The following SERGEF variants were observed in gnomAD, a reference collection of about 807,000 sequenced individuals.
SERGEF encodes secretion-regulating guanine nucleotide exchange factor.
SERGEF carries 51 observed loss-of-function variants against 50.0 expected under a neutral mutation model. The ratio of observed to expected loss-of-function variants is 1.02; its 90% CI spans 0.81 to 1.29. The LOEUF is 1.29. Ranked by LOEUF, SERGEF falls within the 50% of genes most tolerant of loss-of-function variation. The pLI is 0.00. For missense variants in SERGEF, 521 were observed against 557.0 expected (o/e 0.94, Z 0.65); for synonymous variants, 205 against 212.4 (o/e 0.97, Z 0.30).
intron 8 of SERGEF, among the ~76,000 whole-genome samples, chr11:17,983,745 GA>G (rs10672775): frequency 7.1e-5 from 10 of 140,876 alleles, no homozygotes; most frequent in South Asian, 2.3e-4. Context: ...TATGAGAACA[GA>G]AAAAAAAAAA....
At chr11:17,987,198 G>A (rs1029284328) in intron 8 of SERGEF, among the ~76,000 whole-genome samples, 1 of 152,198 alleles carries the variant, frequency 6.6e-6, no homozygotes, top group Non-Finnish European at 1.5e-5. Flanking sequence ...TAAGTCCCAG[G>A]AAAGAGGTCA....
chr11:17,918,975 G>C (rs376277219), intron 9 of SERGEF, among the ~76,000 whole-genome samples: 3 of 152,198 alleles, frequency 2.0e-5, no homozygotes, highest in Non-Finnish European at 4.4e-5. Flanking sequence ...CAGTAGGGAA[G>C]ACTCTAAATG....
rs144020796 is a variant in SERGEF at position 17,884,979 on chromosome 11, G to C, written c.1012-6735C>G. On this transcript the variant is annotated intron_variant, in intron 9 of 10. Transcript: ENST00000265965. The surrounding 1 kb of genome is among the most constrained non-coding windows in gnomAD (Gnocchi z 4.6). ...CATAGCAGGCCAGCAAACCCGCTCA[G>C]AGCAGTTAAGTCACTGGTCCCAGGT... is the stretch of plus-strand genomic sequence containing the variant. Among the ~76,000 whole-genome samples, 60 of 152,244 alleles carry C rather than the reference G, an allele frequency of 3.9e-4. No individual in the cohort carries two copies. Among genetic ancestry groups the C allele is most frequent in the Middle Eastern group, 3.4e-3 (1 of 294 alleles).
chr11:17,977,491 C>T (rs1446978488), intron 8 of SERGEF, among the ~76,000 whole-genome samples: 1 of 152,186 alleles, frequency 6.6e-6, no homozygotes, highest in East Asian at 1.9e-4. Flanking sequence ...TAAATACCTG[C>T]CCTTTCCTGC....
intron 9 of SERGEF, among the ~76,000 whole-genome samples, chr11:17,940,394 C>T (rs1025167603): frequency 3.9e-5 from 6 of 152,096 alleles, no homozygotes; most frequent in Non-Finnish European, 5.9e-5. Context: ...GTTCCAGTGA[C>T]CGCATCCCCC....
Position 17,884,270 on chromosome 11 carries a change from T to TGG in SERGEF, c.1012-6028_1012-6027dup, listed in dbSNP as rs1851389712. 6.6e-6 allele frequency among the ~76,000 whole-genome samples: 1 copy of TGG among 152,190 alleles called. No individual in the cohort carries two copies. Among genetic ancestry groups the TGG allele is most frequent in the South Asian group, 2.1e-4 (1 of 4,834 alleles). ...AACGGGGTTTAGGTTGGTACGGTAC[T>TGG]GGGTTATGCTCTGTGCCGCACTGCG... is the stretch of plus-strand genomic sequence containing the variant. On this transcript the variant is annotated intron_variant, in intron 9 of 10. Transcript: ENST00000265965. This position sits in a 1 kb window ranked among gnomAD's most constrained non-coding sequence, Gnocchi z 4.6.
chr11:17,949,960 C>G lies in SERGEF; in HGVS notation c.1011+9510G>C, dbSNP rs531569336. Among the ~76,000 whole-genome samples, 6 of 152,278 alleles carry G rather than the reference C, an allele frequency of 3.9e-5. No homozygotes were observed. In the East Asian group the frequency reaches 1.2e-3, roughly 29 times the overall value. ...AGCCAAAGGCAAAGGGAAGCAGAAC[C>G]AGCATGCAAAGACCCAGAAGTATCA... On this transcript the variant is annotated intron_variant, in intron 9 of 10. Coordinates refer to ENST00000265965, the MANE Select transcript of SERGEF (RefSeq NM_012139.4).
intron 8 of SERGEF, among the ~76,000 whole-genome samples, chr11:17,983,460 G>A (rs1047504618): frequency 5.9e-5 from 9 of 152,192 alleles, no homozygotes; most frequent in Non-Finnish European, 1.0e-4. Flanking sequence ...AGTAGTGGGA[G>A]CTAATGTGTC....
At chr11:17,984,661 G>T (rs1853558726) in intron 8 of SERGEF, among the ~76,000 whole-genome samples, 3 of 152,160 alleles carry the variant, frequency 2.0e-5, no homozygotes, top group African/African-American at 7.2e-5. Flanking sequence ...GGTGACAGTG[G>T]GCTGAACTAG....
chr11:17,924,683 T>C (rs1029323682), intron 9 of SERGEF, among the ~76,000 whole-genome samples: 4 of 58,486 alleles, frequency 6.8e-5, no homozygotes, highest in Admixed American at 5.1e-4. Flanking sequence ...AAGAAAAGAA[T>C]GGAGATGGGG....
In SERGEF at chr11:17,862,467, A is replaced by C. The variant is rs543885440; in HGVS notation, c.1048+15741T>G. 1.3e-4 allele frequency among the ~76,000 whole-genome samples: 20 copies of C among 152,356 alleles called. 2 individuals are homozygous for C. In the South Asian group the frequency reaches 3.1e-3, roughly 24 times the overall value. The stretch of plus-strand genomic sequence containing the variant: ...TCTGTCCCAGTACTCTTCCTATTGC[A>C]TGGTACAGCTTCTTAATAAATGAAT... On this transcript the variant is annotated intron_variant, in intron 10 of 10. Coordinates refer to ENST00000265965, the MANE Select transcript of SERGEF (RefSeq NM_012139.4).
chr11:17,812,782 C>A (rs1849898575), intron 10 of SERGEF, among the ~76,000 whole-genome samples: 3 of 152,326 alleles, frequency 2.0e-5, no homozygotes, highest in Non-Finnish European at 4.4e-5. Context: ...GAGAGCCTGG[C>A]ATATGATAAA....
At chr11:17,842,707 A>G (rs192676988) in intron 10 of SERGEF, among the ~76,000 whole-genome samples, 3 of 152,230 alleles carry the variant, frequency 2.0e-5, no homozygotes, top group African/African-American at 7.2e-5. Flanking sequence ...ACTGAAGCAC[A>G]GTAGGCACTC....
chr11:17,828,226 G>A (rs1457897971), intron 10 of SERGEF, among the ~76,000 whole-genome samples: 2 of 152,248 alleles, frequency 1.3e-5, no homozygotes, highest in Non-Finnish European at 2.9e-5. Flanking sequence ...ACAGGTATGA[G>A]TGTGTGTTTG....
At chr11:17,892,020 T>G (rs1301606151) in intron 9 of SERGEF, among the ~76,000 whole-genome samples, 2 of 152,020 alleles carry the variant, frequency 1.3e-5, no homozygotes, top group Non-Finnish European at 2.9e-5. Context: ...ATGCCTAAAA[T>G]GGGGGTGAAA....
chr11:17,831,995 C>T (rs80345538), intron 10 of SERGEF, among the ~76,000 whole-genome samples: 17,250 of 152,280 alleles, frequency 0.11, 3,162 homozygotes, highest in African/African-American at 0.39. Context: ...GGTTTCATCA[C>T]AGAGTGTAAA....
In SERGEF at chr11:17,809,089, C is replaced by T. The variant is rs569967585; in HGVS notation, c.1049-20676G>A. On this transcript the variant is annotated intron_variant, in intron 10 of 10. Coordinates refer to ENST00000265965, the MANE Select transcript of SERGEF (RefSeq NM_012139.4). ...ATATAAAATGAACCATTCATGGCACCTGCTAGCAAGGAATAAATAATCTGA... is the reference window on the plus strand; with the variant it reads ...ATATAAAATGAACCATTCATGGCACTTGCTAGCAAGGAATAAATAATCTGA... 7.9e-5 allele frequency among the ~76,000 whole-genome samples: 12 copies of T among 152,232 alleles called. No individual in the cohort carries two copies. The East Asian group carries it at 2.3e-3, about 29-fold the overall frequency.
chr11:17,975,409 C>T (rs1853350240), intron 8 of SERGEF, among the ~76,000 whole-genome samples: 1 of 152,182 alleles, frequency 6.6e-6, no homozygotes, highest in Non-Finnish European at 1.5e-5. Flanking sequence ...AGCCCCAGAG[C>T]TGCTCATTTT....
rs7940992 is a variant in SERGEF, at chr11:18,001,799, G to A, written c.448-1242C>T. The A allele has an allele frequency of 3.8e-3, 897 of 234,222 alleles. 9 individuals carry two copies. Among genetic ancestry groups the A allele is most frequent in the African/African-American group, 0.019 (839 of 43,414 alleles). The allele number at this position is 234,222 out of a possible 1,614,324, so 14.5% of individuals were successfully genotyped here. A position where few individuals can be genotyped will look rare whatever the true frequency, so the allele number is the denominator to read the frequency against. On this transcript the variant is annotated intron_variant, in intron 4 of 10. Transcript: ENST00000265965. ...TCCTGGTCTTCACTTCTCTAAATATGCTCTAGTTGTTCAATCTTTCTCTTT... is the reference window on the plus strand; with the variant it reads ...TCCTGGTCTTCACTTCTCTAAATATACTCTAGTTGTTCAATCTTTCTCTTT...
Sources: allele counts gnomAD v4.1 joint callset (sites outside exome capture counted in the v4.1 genomes callset), GRCh38; gene constraint gnomAD v4.1.1; non-coding constraint Gnocchi (gnomAD v3.1); transcripts MANE v1.5; gene names NCBI Gene and HGNC (gene_info 2026-07-23, HGNC 2026-07-21).